ANXA1: variants seen among roughly 807,000 people sequenced by gnomAD.
ANXA1 encodes the protein annexin A1.
In ANXA1, 39 loss-of-function variants were observed where a neutral mutation model predicts 47.9. The observed-to-expected ratio is 0.81, with a 90% CI of 0.63 to 1.06. ANXA1 has a LOEUF of 1.06. ANXA1 is among the 50% of genes least tolerant of loss of function. The pLI is 0.00. For synonymous variants in ANXA1, 146 were observed against 142.5 expected (o/e 1.02, Z -0.17); for missense variants, 446 against 422.7 (o/e 1.06, Z -0.48).
intron 1 of ANXA1, 82 bp downstream of exon 1, chr9:73,152,006 C>T (rs935448947): frequency 4.6e-5 from 7 of 152,192 alleles, no homozygotes; most frequent in Non-Finnish European, 1.0e-4. Flanking sequence ...ACTGCTTCTA[C>T]AGGATTTATG....
In ANXA1 at chr9:73,162,357, A is replaced by G. The variant is rs990038703; in HGVS notation, c.476-425A>G. ...CATAAATCATCAAACTGCATTACTT[A>G]TAAGACATTTATAGTTTTTAAACTA... On this transcript the variant is annotated intron_variant, in intron 6 of 12. Coordinates refer to ENST00000257497, the MANE Select transcript of ANXA1 (RefSeq NM_000700.3). 2.6e-5 allele frequency among the ~76,000 whole-genome samples: 4 copies of G among 152,226 alleles called. No individual in the cohort carries two copies. In the East Asian group the frequency reaches 5.8e-4, roughly 22 times the overall value.
rs1443804118 is a variant in ANXA1, at chr9:73,167,361, T to C, written c.803-136T>C. On this transcript the variant is annotated intron_variant, in intron 10 of 12. Coordinates refer to ENST00000257497, the MANE Select transcript of ANXA1 (RefSeq NM_000700.3). ...CTTCTCAGAAGTTAACTGCCCTATA[T>C]TGGGAGATGAGAGGTGAAGAATGAT... The C allele has an allele frequency of 9.9e-6, 7 of 705,608 alleles. 1 individual carries two copies. The highest frequency in any genetic ancestry group is 9.0e-5 in the South Asian group (5 of 55,320). The allele number at this position is 705,608 out of a possible 1,614,324, so 43.7% of individuals were successfully genotyped here.
rs768036900 is a variant in ANXA1, at chr9:73,158,818, C to A, written c.175+15C>A. ...AATGGTTAAAGGTAACGTGTTTCCTCAAAACAGTTCCCTCCTGGACATTTC... is the reference window on the plus strand; with the variant it reads ...AATGGTTAAAGGTAACGTGTTTCCTAAAAACAGTTCCCTCCTGGACATTTC... On this transcript the variant is annotated intron_variant, in intron 3 of 12. Transcript: ENST00000257497. 1 of 1,593,624 alleles carries A rather than the reference C, an allele frequency of 6.3e-7. No homozygotes were observed.
intron 11 of ANXA1, chr9:73,167,925 T>A (rs1017133356): frequency 5.5e-6 from 1 of 183,148 alleles, no homozygotes; most frequent in Admixed American, 5.6e-5. Context: ...TGATTTGTTG[T>A]TTTTATTATT....
At chr9:73,164,576 C>A (rs1369331081) in intron 8 of ANXA1, among the ~76,000 whole-genome samples, 3 of 151,880 alleles carry the variant, frequency 2.0e-5, no homozygotes, top group Non-Finnish European at 4.4e-5. Context: ...TAATAAAGAC[C>A]GCTTGTGACA....
intron 8 of ANXA1, 66 bp from the exon 9 acceptor site, chr9:73,165,050 C>A: frequency 7.6e-7 from 1 of 1,311,324 alleles, no homozygotes; most frequent in African/African-American, 1.5e-5. Context: ...TTGACAAGGT[C>A]TAACATTATT....
At chr9:73,160,663 G>T (rs1015149041) in intron 5 of ANXA1, 140 bp from the exon 6 acceptor site, 7 of 668,986 alleles carry the variant, frequency 1.0e-5, no homozygotes, top group Non-Finnish European at 1.8e-5. Context: ...ATGTAATAGA[G>T]CTTATTGTAA....
In ANXA1 at chr9:73,167,513, C is replaced by T; in HGVS notation, c.819C>T (p.Ser273=). The change falls in exon 11 of 13, where the codon AGC becomes AGT. Residue 273 remains serine, a synonymous_variant. Coordinates refer to ENST00000257497, the MANE Select transcript of ANXA1 (RefSeq NM_000700.3). ...CLTAIVKCAT[S]KPAFFAEKLH... ...CTCTAACAGTGAAGTGCGCCACAAG[C>T]AAACCAGCTTTCTTTGCAGAGAAGC... The T allele has an allele frequency of 6.2e-7, 1 of 1,613,406 alleles. No individual in the cohort carries two copies. Among genetic ancestry groups the T allele is most frequent in the Non-Finnish European group, 8.5e-7 (1 of 1,179,518 alleles).
intron 11 of ANXA1, 71 bp downstream of exon 11, chr9:73,167,626 G>C (rs750743071): frequency 9.2e-5 from 129 of 1,403,368 alleles, no homozygotes; most frequent in Non-Finnish European, 1.2e-4. Flanking sequence ...AAAACCTCAT[G>C]TTGTTTGAAA....
At chr9:73,156,484 T>C (rs1198881054) in intron 1 of ANXA1, among the ~76,000 whole-genome samples, 1 of 152,252 alleles carries the variant, frequency 6.6e-6, no homozygotes, top group Non-Finnish European at 1.5e-5. Flanking sequence ...CTATCAATTA[T>C]ATTTAGGAAA....
rs550116233 is a variant in ANXA1, at chr9:73,166,868, T to C, written c.803-629T>C. ...GATCTCGACAAGATGAAGAACACTATGAACTGGAATGTGCTAGTATTATTT... is the reference window on the plus strand; with the variant it reads ...GATCTCGACAAGATGAAGAACACTACGAACTGGAATGTGCTAGTATTATTT... On this transcript the variant is annotated intron_variant, in intron 10 of 12. Coordinates refer to ENST00000257497, the MANE Select transcript of ANXA1 (RefSeq NM_000700.3). 1.5e-3 allele frequency among the ~76,000 whole-genome samples: 231 copies of C among 152,298 alleles called. 1 individual carries two copies. The highest frequency in any genetic ancestry group is 5.1e-3 in the African/African-American group (214 of 41,572).
In ANXA1 at chr9:73,167,571, C is replaced by T. The variant is rs369705098; in HGVS notation, c.861+16C>T. On this transcript the variant is annotated intron_variant, in intron 11 of 12. Coordinates refer to ENST00000257497, the MANE Select transcript of ANXA1 (RefSeq NM_000700.3). ...AGCCATGAAAGTATGTACCATTCTA[C>T]TTATATGTCCTGCTTAGAGGAAGAA... 14 of 1,606,514 alleles carry T rather than the reference C, an allele frequency of 8.7e-6. No individual in the cohort carries two copies. Among genetic ancestry groups the T allele is most frequent in the South Asian group, 6.7e-5 (6 of 89,554 alleles).
intron 9 of ANXA1, 132 bp from the exon 10 acceptor site, chr9:73,165,965 G>T: frequency 1.7e-6 from 1 of 598,672 alleles, no homozygotes. Context: ...GATTAATTGG[G>T]TATATTGCTT....
At chr9:73,157,653 C>CAAAAAAAAAAAAAAAAAA (rs373035373) in intron 1 of ANXA1, 1 of 42,634 alleles carries the variant, frequency 2.3e-5, no homozygotes. Context: ...GACTCCATCT[C>CAAAAAAAAAAAAAAAAAA]AAAAAAAAAA....
Position 73,163,522 on chromosome 9 carries a change from C to A in ANXA1, c.602C>A (p.Ser201Ter). The A allele has an allele frequency of 2.5e-6, 4 of 1,612,790 alleles. No individual in the cohort carries two copies. Among genetic ancestry groups the A allele is most frequent in the Non-Finnish European group, 2.5e-6 (3 of 1,179,114 alleles). Residue 201 changes from serine to a stop codon, truncating the protein, a stop_gained, in exon 8 of 13, where the codon TCA (serine) becomes TAA (stop). Transcript: ENST00000257497. LOFTEE classifies it high-confidence loss of function. ...GGTGTGAATGAAGACTTGGCTGATT[C>A]AGATGCCAGGGTAAGGAAGTGCTTA... ...DFGVNEDLADSDARALYEAGE... is the reference protein window; with the variant it reads ...DFGVNEDLAD
chr9:73,164,941 T>A (rs373331333), intron 8 of ANXA1, among the ~76,000 whole-genome samples, 175 bp from the exon 9 acceptor site: 1 of 152,162 alleles, frequency 6.6e-6, no homozygotes, highest in South Asian at 2.1e-4. Flanking sequence ...GTGGAAGATA[T>A]TTGACAAACA....
intron 3 of ANXA1, 82 bp from the exon 4 acceptor site, chr9:73,159,247 G>A (rs1824098396): frequency 2.7e-6 from 3 of 1,098,122 alleles, no homozygotes; most frequent in Non-Finnish European, 4.1e-6. Context: ...AGTTCTTTTG[G>A]AGCATCTCAG....
intron 8 of ANXA1, among the ~76,000 whole-genome samples, chr9:73,163,997 T>C (rs1418361525): frequency 6.6e-6 from 1 of 152,192 alleles, no homozygotes; most frequent in Non-Finnish European, 1.5e-5. Context: ...TAAATTATAA[T>C]AATATATGCT....
At chr9:73,155,487 A>T (rs1002869533) in intron 1 of ANXA1, among the ~76,000 whole-genome samples, 2 of 152,196 alleles carry the variant, frequency 1.3e-5, no homozygotes, top group African/African-American at 4.8e-5. Context: ...CCAATATATA[A>T]AAAAATATAT....
Sources: gnomAD v4.1 joint callset for allele counts (sites outside exome capture counted in the v4.1 genomes callset) on GRCh38, gnomAD v4.1.1 for gene constraint, MANE v1.5 for transcripts, NCBI Gene and HGNC (gene_info 2026-07-23, HGNC 2026-07-21) for gene names.